Variants in PRCP observed in about 807,000 individuals in gnomAD.
PRCP encodes prolylcarboxypeptidase, also known as lysosomal Pro-X carboxypeptidase.
A neutral mutation model predicts 54.2 loss-of-function variants in PRCP; 46 were observed. That is an observed-to-expected ratio of 0.85 (90% CI 0.67 to 1.09). The LOEUF is 1.09. Ranked by LOEUF, PRCP falls within the 50% of genes least tolerant of loss-of-function variation. The pLI is 0.00. For synonymous variants in PRCP, 240 were observed against 212.2 expected (o/e 1.13, Z -1.14); for missense variants, 613 against 596.8 (o/e 1.03, Z -0.28).
chr11:82,841,989 G>T (rs1443505193), intron 6 of PRCP, among the ~76,000 whole-genome samples: 1 of 152,184 alleles, frequency 6.6e-6, no homozygotes, highest in Non-Finnish European at 1.5e-5. Flanking sequence ...ATGGAATGCA[G>T]AGAAGCGCCT....
At chr11:82,883,802 G>C (rs1016520825) in intron 1 of PRCP, among the ~76,000 whole-genome samples, 2 of 152,174 alleles carry the variant, frequency 1.3e-5, no homozygotes, top group Non-Finnish European at 2.9e-5. Flanking sequence ...AGGGTGGTTG[G>C]TAAGTGTAAA....
At chr11:82,825,199 A>G (rs1455426851) in intron 8 of PRCP, 77 bp from the exon 9 acceptor site, 2 of 1,327,864 alleles carry the variant, frequency 1.5e-6, no homozygotes, top group Non-Finnish European at 2.1e-6. Context: ...GAAGAAACCT[A>G]TTACATGTTT....
intron 1 of PRCP, among the ~76,000 whole-genome samples, chr11:82,867,578 GA>G (rs2121199503): frequency 6.6e-6 from 1 of 152,288 alleles, no homozygotes; most frequent in East Asian, 1.9e-4. Context: ...CTTTGTACTA[GA>G]AGAATTACCG....
intron 8 of PRCP, chr11:82,827,599 G>A (rs959960569): frequency 2.0e-5 from 3 of 152,076 alleles, no homozygotes; most frequent in African/African-American, 4.8e-5. Context: ...CTGGACACTC[G>A]ATTCTCTTCC....
intron 2 of PRCP, among the ~76,000 whole-genome samples, chr11:82,859,731 A>G (rs778138412): frequency 2.6e-5 from 4 of 152,112 alleles, no homozygotes; most frequent in Non-Finnish European, 4.4e-5. Flanking sequence ...TATTCTTTTC[A>G]TTTGTAATTC....
chr11:82,834,207 C>T (rs75809628), intron 8 of PRCP, among the ~76,000 whole-genome samples: 4 of 152,230 alleles, frequency 2.6e-5, no homozygotes, highest in East Asian at 1.9e-4. Context: ...TAACTGTGAG[C>T]GATACATTTG....
At chr11:82,866,482 G>A (rs976769056) in intron 1 of PRCP, among the ~76,000 whole-genome samples, 1 of 152,068 alleles carries the variant, frequency 6.6e-6, no homozygotes, top group Non-Finnish European at 1.5e-5. Context: ...TGCATTCCCT[G>A]ACTCCTATGC....
chr11:82,828,954 T>C (rs534769646), intron 8 of PRCP: 12 of 152,342 alleles, frequency 7.9e-5, no homozygotes, highest in African/African-American at 2.9e-4. Context: ...GGTCTCACTC[T>C]TTAATTTTCT....
upstream of PRCP, chr11:82,900,652 T>C: frequency 3.1e-6 from 2 of 652,950 alleles, no homozygotes; most frequent in Non-Finnish European, 2.8e-6. Flanking sequence ...AGCACTCACC[T>C]TCATTGCGGT....
At chr11:82,873,383 G>A (rs1461448319) in intron 1 of PRCP, among the ~76,000 whole-genome samples, 1 of 152,200 alleles carries the variant, frequency 6.6e-6, no homozygotes, top group African/African-American at 2.4e-5. Flanking sequence ...GGCCCTGACT[G>A]TGGGCATTTT....
In PRCP at chr11:82,849,274, T is replaced by C. The variant is rs144232151; in HGVS notation, c.752-56A>G. On this transcript the variant is annotated intron_variant, in intron 5 of 8. Transcript: ENST00000313010. The stretch of plus-strand genomic sequence containing the variant: ...AAAAGTACTGGTCAACAGATGTCTT[T>C]ACAGATCATTTATTCTTCACATAGT... 1,932 of 1,550,762 alleles carry C rather than the reference T, an allele frequency of 1.2e-3. 14 individuals are homozygous for C. In the African/African-American group the frequency reaches 0.023, roughly 19 times the overall value.
chr11:82,861,812 A>G (rs1335107321), intron 1 of PRCP, among the ~76,000 whole-genome samples: 1 of 152,232 alleles, frequency 6.6e-6, no homozygotes, highest in Non-Finnish European at 1.5e-5. Flanking sequence ...GACATAATAC[A>G]TGACCCTGGA....
intron 8 of PRCP, chr11:82,835,809 A>T: frequency 1.0e-5 from 5 of 498,858 alleles, no homozygotes; most frequent in Non-Finnish European, 2.0e-5. Context: ...AGTGATGTTC[A>T]AGAACCAGAT....
chr11:82,886,028 C>T (rs1357317504), intron 1 of PRCP, among the ~76,000 whole-genome samples: 1 of 152,080 alleles, frequency 6.6e-6, no homozygotes, highest in Non-Finnish European at 1.5e-5. Context: ...TCCAAAATAA[C>T]TCATAGAGTT....
intron 1 of PRCP, among the ~76,000 whole-genome samples, chr11:82,877,809 T>C (rs1486448628): frequency 6.6e-6 from 1 of 152,124 alleles, no homozygotes; most frequent in Non-Finnish European, 1.5e-5. Flanking sequence ...ACACAGAGTC[T>C]CTACTGGGGC....
At chr11:82,879,382 G>A (rs548413739) in intron 1 of PRCP, among the ~76,000 whole-genome samples, 12 of 152,260 alleles carry the variant, frequency 7.9e-5, no homozygotes, top group Non-Finnish European at 1.5e-4. Context: ...GCTCCATCAC[G>A]TCATTTAAGG....
intron 8 of PRCP, chr11:82,828,514 C>T (rs1858298757): frequency 6.6e-6 from 1 of 152,088 alleles, no homozygotes; most frequent in African/African-American, 2.4e-5. Flanking sequence ...ATATCTATAC[C>T]CACCACTTGA....
At chr11:82,888,294 G>A (rs1859916199) in intron 1 of PRCP, among the ~76,000 whole-genome samples, 1 of 152,158 alleles carries the variant, frequency 6.6e-6, no homozygotes, top group East Asian at 1.9e-4. Flanking sequence ...TGAGCAGCAG[G>A]AAAGACAGCA....
intron 2 of PRCP, among the ~76,000 whole-genome samples, chr11:82,853,578 C>A (rs1197209348): frequency 6.6e-6 from 1 of 152,150 alleles, no homozygotes; most frequent in Non-Finnish European, 1.5e-5. Context: ...CTAAAATGGT[C>A]TTCATGTACA....
Sources: allele counts gnomAD v4.1 joint callset (sites outside exome capture counted in the v4.1 genomes callset), GRCh38; gene constraint gnomAD v4.1.1; transcripts MANE v1.5; gene names NCBI Gene and HGNC (gene_info 2026-07-23, HGNC 2026-07-21).